ACCS: variants seen among roughly 807,000 people sequenced by gnomAD.
ACCS encodes the protein 1-aminocyclopropane-1-carboxylate synthase-like protein 1.
In ACCS, 42 loss-of-function variants were observed where a neutral mutation model predicts 59.8. The ratio of observed to expected loss-of-function variants is 0.70; its 90% CI spans 0.55 to 0.91. ACCS has a LOEUF of 0.91. Among genes scored for constraint, ACCS ranks in the 40% least tolerant of loss-of-function variants. The pLI is 0.00. For missense variants in ACCS, 602 were observed against 630.4 expected, an observed-to-expected ratio of 0.95 and a Z score of 0.48; for synonymous variants, 230 against 240.3, an observed-to-expected ratio of 0.96 and a Z score of 0.40.
At chr11:44,082,998 A>G (rs1953707493) in intron 12 of ACCS, among the ~76,000 whole-genome samples, 171 bp from the exon 13 acceptor site, 2 of 152,108 alleles carry the variant, frequency 1.3e-5, no homozygotes, top group South Asian at 2.1e-4. Flanking sequence ...CTGCATTTCC[A>G]TCCCTTCTTG....
At chr11:44,075,489 C>T in intron 5 of ACCS, 37 bp from the exon 6 acceptor site, 1 of 1,607,480 alleles carries the variant, frequency 6.2e-7, no homozygotes, top group Non-Finnish European at 8.5e-7. Context: ...ACTCCTGGAA[C>T]TGGTTCATCT....
chr11:44,075,043 C>T lies in ACCS; in HGVS notation c.489+362C>T, dbSNP rs139045890. 8.5e-3 allele frequency among the ~76,000 whole-genome samples: 1,293 copies of T among 151,864 alleles called. 25 individuals carry two copies. The highest frequency in any genetic ancestry group is 0.016 in the Admixed American group (237 of 15,226). On this transcript the variant is annotated intron_variant, in intron 5 of 14. Transcript: ENST00000263776. ...TTTACCATGTTGGTCAGGCTGGTCTCGAACTACCGACCTCAGGTGATCTGC... is the reference window on the plus strand; with the variant it reads ...TTTACCATGTTGGTCAGGCTGGTCTTGAACTACCGACCTCAGGTGATCTGC...
intron 9 of ACCS, chr11:44,079,213 A>G: frequency 2.4e-6 from 1 of 409,518 alleles, no homozygotes; most frequent in East Asian, 4.7e-5. Context: ...AGAGTGGTCA[A>G]GTGAGGGGTG....
Position 44,081,334 on chromosome 11 carries a change from C to T in ACCS, c.1111+14C>T. 6.2e-7 allele frequency: 1 copy of T among 1,611,324 alleles called. No individual in the cohort carries two copies. The highest frequency in any genetic ancestry group is 8.5e-7 in the Non-Finnish European group (1 of 1,177,976). The stretch of plus-strand genomic sequence containing the variant: ...TCCGGGACCGTGGTGACTGCCTGGG[C>T]CTGGTGACCTGAAAATGGGAGGAGG... On this transcript the variant is annotated intron_variant, in intron 12 of 14. Transcript: ENST00000263776.
Position 44,075,544 on chromosome 11 carries a change from G to C in ACCS, c.508G>C (p.Gly170Arg), listed in dbSNP as rs371247327. Residue 170 changes from glycine (G) to arginine (R), a missense_variant, in exon 6 of 15, where the codon GGT (glycine) becomes CGT (arginine). Transcript: ENST00000263776. The part of the protein sequence containing the change: ...RPENVVVLNG[G>R]ASLFSALATV... ...CCCTTAGGTGGTTGTCCTGAATGGT[G>C]GTGCCTCGCTCTTCTCTGCTCTGGC... is the stretch of plus-strand genomic sequence containing the variant. 1.9e-6 allele frequency: 3 copies of C among 1,614,058 alleles called. No individual in the cohort carries two copies. In the African/African-American group the frequency reaches 4.0e-5, roughly 22 times the overall value.
chr11:44,072,039 C>T (rs760054514), intron 3 of ACCS, among the ~76,000 whole-genome samples: 5 of 152,070 alleles, frequency 3.3e-5, no homozygotes, highest in African/African-American at 1.2e-4. Context: ...TCTCCCAAGG[C>T]GGCAGTGGCA....
intron 9 of ACCS, chr11:44,079,241 G>T: frequency 2.3e-6 from 1 of 426,518 alleles, no homozygotes; most frequent in Non-Finnish European, 4.3e-6. Context: ...ACTTGAACCT[G>T]GGTCTCTCCG....
chr11:44,074,636 C>T lies in ACCS; in HGVS notation c.444C>T (p.Phe148=). ...GCCTCCGGGAGGAAGTGGCCAAGTT[C>T]CTGTCTTTCTACTGCAAGAGCCCAG... ...HLFLREEVAK[F]LSFYCKSPVP... is the part of the protein sequence containing the mutation. Residue 148 remains phenylalanine (F), a synonymous_variant, in exon 5 of 15, where the codon TTC becomes TTT. Transcript: ENST00000263776. The T allele has an allele frequency of 6.2e-7, 1 of 1,613,608 alleles. No individual in the cohort carries two copies. Among genetic ancestry groups the T allele is most frequent in the African/African-American group, 1.3e-5 (1 of 74,920 alleles).
chr11:44,083,252 T>C lies in ACCS; in HGVS notation c.1195T>C (p.Leu399=), dbSNP rs1953719923. The part of the protein sequence containing the change: ...HTYVSEELRA[L]GIPFLSRGAG... ...CTATGTCTCAGAAGAGCTTAGGGCA[T>C]TGGGGATCCCCTTCTTGAGTCGTGG... Residue 399 remains leucine (L), a synonymous_variant, in exon 13 of 15, where the codon TTG becomes CTG. Coordinates refer to ENST00000263776, the MANE Select transcript of ACCS (RefSeq NM_032592.4). 1.2e-6 allele frequency: 2 copies of C among 1,614,128 alleles called. No individual in the cohort carries two copies. Among genetic ancestry groups the C allele is most frequent in the Non-Finnish European group, 1.7e-6 (2 of 1,180,020 alleles).
intron 9 of ACCS, chr11:44,079,148 C>T (rs1953519985): frequency 2.7e-6 from 1 of 365,428 alleles, no homozygotes; most frequent in Admixed American, 4.0e-5. Flanking sequence ...ATCCTTACAA[C>T]AATCCTCACA....
At chr11:44,071,434 A>AC in intron 3 of ACCS, 119 bp downstream of exon 3, 1 of 1,155,368 alleles carries the variant, frequency 8.7e-7, no homozygotes, top group African/African-American at 1.5e-5. Context: ...GAATCAGGAG[A>AC]CCCGGGTTCC....
rs551841537 is a variant in ACCS at position 44,079,527 on chromosome 11, C to T, written c.834-4C>T. The stretch of plus-strand genomic sequence containing the variant: ...CTCTCCTCCCCACCCCTGCCTCACT[C>T]CAGGCACAGGCTGCATGTGATTGTG... On this transcript the variant is annotated splice_region_variant and splice_polypyrimidine_tract_variant and intron_variant, in intron 9 of 14. Transcript: ENST00000263776. The T allele has an allele frequency of 3.5e-4, 566 of 1,608,454 alleles. 6 individuals carry two copies. The South Asian group carries it at 5.9e-3, about 17-fold the overall frequency.
intron 3 of ACCS, 95 bp downstream of exon 3, chr11:44,071,410 T>A: frequency 7.0e-7 from 1 of 1,423,804 alleles, no homozygotes; most frequent in Non-Finnish European, 9.8e-7. Flanking sequence ...CTTGGCTCAG[T>A]GGCCCTGGCC....
At chr11:44,073,647 C>G in intron 4 of ACCS, 130 bp downstream of exon 4, 1 of 875,000 alleles carries the variant, frequency 1.1e-6, no homozygotes, top group South Asian at 1.7e-5. Context: ...GGGATGCTGC[C>G]TAAAGTTCTA....
At chr11:44,074,765 TTTCTTTCTTTTTCTC>T in intron 5 of ACCS, 84 bp downstream of exon 5, 1 of 451,078 alleles carries the variant, frequency 2.2e-6, no homozygotes, top group Non-Finnish European at 3.4e-6. Context: ...TCTTTCTTTC[TTTCTTTCTTTTTCTC>T]TCTCTCTCTC....
At position 44,083,313 on chromosome 11, in the gene ACCS, T is replaced by C; in HGVS notation, c.1254+2T>C. On this transcript the variant is annotated splice_donor_variant, in intron 13 of 14. Transcript: ENST00000263776. LOFTEE classifies it high-confidence loss of function. The stretch of plus-strand genomic sequence containing the variant: ...TTCATCTGGGTTGACTTGAGAAAGG[T>C]AATGCTGGTGGAGGTGCGGGCTGAG... 6.2e-7 allele frequency: 1 copy of C among 1,613,956 alleles called. No homozygotes were observed. Among genetic ancestry groups the C allele is most frequent in the South Asian group, 1.1e-5 (1 of 91,068 alleles).
intron 6 of ACCS, among the ~76,000 whole-genome samples, chr11:44,076,685 A>G (rs1953377134): frequency 6.6e-6 from 1 of 152,264 alleles, no homozygotes. Flanking sequence ...TGCATTTCCC[A>G]TCACGTCGTA....
intron 2 of ACCS, 138 bp downstream of exon 2, chr11:44,068,053 A>T: frequency 1.0e-6 from 1 of 972,604 alleles, no homozygotes; most frequent in Non-Finnish European, 1.5e-6. Flanking sequence ...AGGGCTTCTG[A>T]TGTAGCTTAG....
chr11:44,078,876 C>A, intron 9 of ACCS, 92 bp downstream of exon 9: 2 of 1,057,900 alleles, frequency 1.9e-6, no homozygotes, highest in Non-Finnish European at 2.8e-6. Context: ...CTCTTGACCC[C>A]ACTGTGGGCT....
Sources: allele counts gnomAD v4.1 joint callset (sites outside exome capture counted in the v4.1 genomes callset), GRCh38; gene constraint gnomAD v4.1.1; transcripts MANE v1.5; gene names NCBI Gene and HGNC (gene_info 2026-07-23, HGNC 2026-07-21).